DLG2: variants seen among roughly 807,000 people sequenced by gnomAD.
The protein encoded by DLG2 is discs large MAGUK scaffold protein 2, also known as disks large homolog 2.
Under a neutral mutation model 132.5 loss-of-function variants are expected in DLG2, and 45 were observed. The ratio of observed to expected loss-of-function variants is 0.34; its 90% confidence interval spans 0.27 to 0.44. DLG2 has a LOEUF of 0.44. DLG2 is among the 20% of genes least tolerant of loss of function. DLG2 has a pLI of 1.00. For missense variants in DLG2, 1,045 were observed against 1,196.9 expected (o/e 0.87, Z 1.87); for synonymous variants, 424 against 419.6 (o/e 1.01, Z -0.13).
At chr11:84,353,798 CTGTT>C (rs745643720) in intron 7 of DLG2, among the ~76,000 whole-genome samples, 1 of 152,264 alleles carries the variant, frequency 6.6e-6, no homozygotes, top group South Asian at 2.1e-4. Context: ...CCTGATTCCT[CTGTT>C]TGTAACAGCA....
chr11:83,471,454 C>A (rs888776789), intron 24 of DLG2, among the ~76,000 whole-genome samples, 172 bp downstream of exon 24: 1 of 152,040 alleles, frequency 6.6e-6, no homozygotes, highest in Non-Finnish European at 1.5e-5. Flanking sequence ...CACACGGCAG[C>A]ATAAATGAAA....
chr11:84,511,175 C>T (rs909472197), intron 7 of DLG2, among the ~76,000 whole-genome samples: 4 of 152,012 alleles, frequency 2.6e-5, no homozygotes, highest in African/African-American at 9.7e-5. Context: ...TTATAGTGCT[C>T]AGCTTACATC....
At chr11:85,411,160 G>C (rs2089275913) in intron 3 of DLG2, among the ~76,000 whole-genome samples, 1 of 151,592 alleles carries the variant, frequency 6.6e-6, no homozygotes, top group Non-Finnish European at 1.5e-5. Context: ...AGGAGGAATA[G>C]TGGGAAAGAA....
intron 11 of DLG2, among the ~76,000 whole-genome samples, chr11:84,006,682 C>A (rs769461045): frequency 2.4e-4 from 37 of 151,580 alleles, no homozygotes; most frequent in Non-Finnish European, 5.2e-4. Context: ...AAAGATATGG[C>A]AAATTATATT....
intron 7 of DLG2, among the ~76,000 whole-genome samples, chr11:84,419,855 T>C (rs1456934959): frequency 1.3e-5 from 2 of 152,212 alleles, no homozygotes; most frequent in East Asian, 1.9e-4. Flanking sequence ...TATTACACAC[T>C]GCGTGCTTGG....
At chr11:85,496,546 G>A (rs1461113923) in intron 3 of DLG2, among the ~76,000 whole-genome samples, 1 of 152,134 alleles carries the variant, frequency 6.6e-6, no homozygotes, top group Non-Finnish European at 1.5e-5. Flanking sequence ...GTCCCTGCTG[G>A]ACAGCTCTGA....
intron 19 of DLG2, among the ~76,000 whole-genome samples, chr11:83,548,747 T>C (rs1644040086): frequency 6.6e-6 from 1 of 152,180 alleles, no homozygotes; most frequent in Non-Finnish European, 1.5e-5. Flanking sequence ...AAAAACCTTA[T>C]GTGATAAATA....
At chr11:84,656,327 T>C (rs897372871) in intron 6 of DLG2, among the ~76,000 whole-genome samples, 1 of 152,152 alleles carries the variant, frequency 6.6e-6, no homozygotes, top group Non-Finnish European at 1.5e-5. Flanking sequence ...TTCGATTCAC[T>C]TGAGCCATGG....
At chr11:85,232,252 T>C (rs2152648927) in intron 4 of DLG2, among the ~76,000 whole-genome samples, 1 of 152,080 alleles carries the variant, frequency 6.6e-6, no homozygotes, top group South Asian at 2.1e-4. Flanking sequence ...TAGTTGCCTA[T>C]GGCATAAAAG....
At chr11:83,790,356 C>G (rs1321366438) in intron 17 of DLG2, 7 of 889,174 alleles carry the variant, frequency 7.9e-6, no homozygotes, top group African/African-American at 1.7e-5. Flanking sequence ...CTGTCCCAAT[C>G]AAGGAAAGAA....
chr11:85,553,297 C>A (rs1181991406), intron 3 of DLG2, among the ~76,000 whole-genome samples: 3 of 151,458 alleles, frequency 2.0e-5, no homozygotes, highest in Admixed American at 6.6e-5. Context: ...TTTTTATATG[C>A]CAAACACTGT....
rs567758395 is a variant in DLG2 at position 84,842,972 on chromosome 11, T to C, written c.357+268689A>G. Among the ~76,000 whole-genome samples, 4 of 152,118 alleles carry C rather than the reference T, an allele frequency of 2.6e-5. No individual in the cohort carries two copies. In the South Asian group the frequency reaches 8.3e-4, roughly 32 times the overall value. On this transcript the variant is annotated intron_variant, in intron 6 of 27. Transcript: ENST00000376104. Reference sequence around the variant, plus strand: ...CATAGATATATTCCTACCAGTTATCTTGACTTCATAGTAAGAACAAAGAAT... The same window carrying C: ...CATAGATATATTCCTACCAGTTATCCTGACTTCATAGTAAGAACAAAGAAT...
intron 6 of DLG2, among the ~76,000 whole-genome samples, chr11:84,701,500 C>G (rs1332543440): frequency 1.3e-5 from 2 of 151,564 alleles, no homozygotes; most frequent in East Asian, 2.0e-4. Flanking sequence ...GTCCTGTACT[C>G]CCATTCTCAC....
At chr11:83,821,000 C>T (rs1181616129) in intron 17 of DLG2, among the ~76,000 whole-genome samples, 2 of 152,178 alleles carry the variant, frequency 1.3e-5, no homozygotes, top group Non-Finnish European at 1.5e-5. Flanking sequence ...TTTCCTTTCC[C>T]ATTAGCGAAG....
chr11:84,363,849 T>C (rs185147730), intron 7 of DLG2, among the ~76,000 whole-genome samples: 2 of 152,176 alleles, frequency 1.3e-5, no homozygotes, highest in East Asian at 3.9e-4. Flanking sequence ...CTGAGGGCTC[T>C]GTTCTGTTCC....
At chr11:83,487,057 AT>A (rs2093563177) in intron 21 of DLG2, among the ~76,000 whole-genome samples, 1 of 49,650 alleles carries the variant, frequency 2.0e-5, no homozygotes, top group African/African-American at 1.2e-4. Flanking sequence ...CAATTCTGCT[AT>A]TATTTGTAGA....
intron 3 of DLG2, among the ~76,000 whole-genome samples, chr11:85,596,128 G>A (rs997600290): frequency 2.6e-5 from 4 of 152,084 alleles, no homozygotes; most frequent in East Asian, 1.9e-4. Flanking sequence ...AGTGATTGAC[G>A]CATGTAATCC....
rs1018251457 is a variant in DLG2, at chr11:83,458,772, T to C, written c.*1046A>G. On this transcript the variant is annotated 3_prime_UTR_variant, in exon 28 of 28. Coordinates refer to ENST00000376104, the MANE Select transcript of DLG2 (RefSeq NM_001142699.3). ...CCTTTAGATCATTTGCATAAGTTTGTCTCTGAAAAGCCATCAGCATAAAAA... is the reference window on the plus strand; with the variant it reads ...CCTTTAGATCATTTGCATAAGTTTGCCTCTGAAAAGCCATCAGCATAAAAA... 6.6e-6 allele frequency: 1 copy of C among 152,216 alleles called. No homozygotes were observed. The highest frequency in any genetic ancestry group is 6.5e-5 in the Admixed American group (1 of 15,284). 9.4% of individuals were successfully genotyped at this position (152,216 alleles called of 1,614,324 possible). A position where few individuals can be genotyped will look rare whatever the true frequency, so the allele number is the denominator to read the frequency against.
intron 16 of DLG2, among the ~76,000 whole-genome samples, chr11:83,849,258 T>C (rs2059213109): frequency 7.1e-6 from 1 of 141,724 alleles, no homozygotes; most frequent in Admixed American, 6.8e-5. Context: ...GGATAATAAA[T>C]GCAAATTCCT....
Sources: allele counts gnomAD v4.1 joint callset (sites outside exome capture counted in the v4.1 genomes callset), GRCh38; gene constraint gnomAD v4.1.1; transcripts MANE v1.5; gene names NCBI Gene and HGNC (gene_info 2026-07-23, HGNC 2026-07-21).